Variants in AFAP1 observed in about 807,000 individuals in gnomAD.
AFAP1 encodes actin filament-associated protein 1.
A neutral mutation model predicts 93.9 loss-of-function variants in AFAP1; 75 were observed. That is an observed-to-expected ratio of 0.80 (90% confidence interval 0.66 to 0.97). AFAP1 has a LOEUF of 0.97. Among genes scored for constraint, AFAP1 ranks in the 50% least tolerant of loss-of-function variants. AFAP1 has a pLI of 0.00. For missense variants in AFAP1, 1,201 were observed against 1,050.8 expected (o/e 1.14, Z -1.98); for synonymous variants, 517 against 430.7 (o/e 1.20, Z -2.48).
intron 17 of AFAP1, among the ~76,000 whole-genome samples, chr4:7,767,708 C>G (rs1714803852): frequency 6.6e-6 from 1 of 152,146 alleles, no homozygotes; most frequent in Non-Finnish European, 1.5e-5. Context: ...CCAGAGAGCA[C>G]AGCAGGGGGG....
intron 10 of AFAP1, among the ~76,000 whole-genome samples, chr4:7,797,487 A>G (rs1368557224): frequency 1.3e-5 from 2 of 152,328 alleles, no homozygotes; most frequent in Middle Eastern, 3.4e-3. Flanking sequence ...GGCTCCCGCT[A>G]TAATTCTCTG....
At chr4:7,770,782 CAG>C (rs2148955957) in intron 16 of AFAP1, among the ~76,000 whole-genome samples, 1 of 152,280 alleles carries the variant, frequency 6.6e-6, no homozygotes, top group South Asian at 2.1e-4. Context: ...GACAGCTCCT[CAG>C]AGCACTCCTG....
intron 1 of AFAP1, among the ~76,000 whole-genome samples, chr4:7,888,181 G>A (rs563794487): frequency 6.6e-6 from 1 of 152,180 alleles, no homozygotes; most frequent in Non-Finnish European, 1.5e-5. Flanking sequence ...CAAAAACTTG[G>A]ATTTTCAAAA....
chr4:7,888,783 G>GT (rs35979300), intron 1 of AFAP1, among the ~76,000 whole-genome samples: 16 of 148,836 alleles, frequency 1.1e-4, no homozygotes, highest in African/African-American at 1.9e-4. Context: ...ATTGTTAACA[G>GT]TTTTTTTTTG....
chr4:7,894,355 G>A (rs1424908623), intron 1 of AFAP1, among the ~76,000 whole-genome samples: 3 of 152,120 alleles, frequency 2.0e-5, no homozygotes, highest in African/African-American at 7.2e-5. Flanking sequence ...GAAAAAGCTT[G>A]CTTACCTCTG....
At chr4:7,802,750 C>T (rs867437316) in intron 9 of AFAP1, among the ~76,000 whole-genome samples, 4 of 151,190 alleles carry the variant, frequency 2.6e-5, no homozygotes, top group African/African-American at 4.9e-5. Flanking sequence ...CCCGGGTTCA[C>T]GCCATTCTCC....
At chr4:7,914,252 G>A (rs999772457) in intron 1 of AFAP1, among the ~76,000 whole-genome samples, 3 of 151,744 alleles carry the variant, frequency 2.0e-5, no homozygotes, top group Non-Finnish European at 2.9e-5. Flanking sequence ...ACGGGGTTTC[G>A]CCACGTTGGC....
At chr4:7,803,726 A>G (rs1396638426) in intron 9 of AFAP1, among the ~76,000 whole-genome samples, 3 of 152,264 alleles carry the variant, frequency 2.0e-5, no homozygotes, top group Non-Finnish European at 4.4e-5. Flanking sequence ...CTTCCCTGAC[A>G]GAATCTGGCC....
At chr4:7,843,467 C>T (rs2149116542) in intron 4 of AFAP1, 117 bp from the exon 5 acceptor site, 3 of 962,290 alleles carry the variant, frequency 3.1e-6, no homozygotes, top group South Asian at 1.8e-5. Flanking sequence ...AGAAAGGGAC[C>T]TCTGCTCCTT....
chr4:7,889,579 T>C (rs1209549803), intron 1 of AFAP1, among the ~76,000 whole-genome samples: 1 of 143,382 alleles, frequency 7.0e-6, no homozygotes, highest in Admixed American at 6.9e-5. Flanking sequence ...AAGGCATACA[T>C]ATAAAAACTA....
intron 1 of AFAP1, among the ~76,000 whole-genome samples, chr4:7,880,634 G>A (rs1416711198): frequency 6.6e-6 from 1 of 152,174 alleles, no homozygotes; most frequent in Non-Finnish European, 1.5e-5. Context: ...AAGGCGGCCT[G>A]GAGTCACAAA....
chr4:7,832,719 A>G (rs1487637725), intron 6 of AFAP1, among the ~76,000 whole-genome samples: 3 of 152,078 alleles, frequency 2.0e-5, no homozygotes, highest in Non-Finnish European at 4.4e-5. Context: ...AAGCAAAAAG[A>G]ACAAACAAAG....
At position 7,786,355 on chromosome 4, in the gene AFAP1, T is replaced by C. The variant is rs750031400; in HGVS notation, c.1413-44A>G. On this transcript the variant is annotated intron_variant, in intron 11 of 17. Transcript: ENST00000420658. ...GTTAAAATCCATAACCTGACCACCT[T>C]TTACTCCAATCAGTCAAGTCTTTAA... 21 of 1,499,534 alleles carry C rather than the reference T, an allele frequency of 1.4e-5. No homozygotes were observed. In the South Asian group the frequency reaches 2.4e-4, roughly 17 times the overall value. The allele number at this position is 1,499,534 out of a possible 1,614,324, so 92.9% of individuals were successfully genotyped here. A position where few individuals can be genotyped will look rare whatever the true frequency, so the allele number is the denominator to read the frequency against.
At chr4:7,907,983 G>A (rs1006138808) in intron 1 of AFAP1, among the ~76,000 whole-genome samples, 6 of 152,118 alleles carry the variant, frequency 3.9e-5, no homozygotes, top group Admixed American at 1.3e-4. Context: ...AGGCTGAGGC[G>A]GGAGGATCAC....
At chr4:7,828,535 T>A (rs1278201443) in intron 6 of AFAP1, among the ~76,000 whole-genome samples, 2 of 152,164 alleles carry the variant, frequency 1.3e-5, no homozygotes, top group African/African-American at 4.8e-5. Context: ...CATCCTGCTG[T>A]CATCAGCTAT....
intron 3 of AFAP1, among the ~76,000 whole-genome samples, chr4:7,865,938 G>A (rs555448946): frequency 5.3e-5 from 8 of 152,136 alleles, no homozygotes; most frequent in African/African-American, 1.4e-4. Flanking sequence ...GTCTTGTTAC[G>A]CAGGCTGGAG....
At chr4:7,830,138 C>G (rs1721762288) in intron 6 of AFAP1, among the ~76,000 whole-genome samples, 1 of 152,022 alleles carries the variant, frequency 6.6e-6, no homozygotes, top group African/African-American at 2.4e-5. Context: ...ATGCTGCACC[C>G]TTTCTATGGG....
At chr4:7,844,940 T>C (rs911354167) in intron 4 of AFAP1, among the ~76,000 whole-genome samples, 1 of 152,244 alleles carries the variant, frequency 6.6e-6, no homozygotes, top group Non-Finnish European at 1.5e-5. Context: ...CAATGGCCAA[T>C]GCGGTTGCAA....
chr4:7,773,032 T>C, intron 15 of AFAP1, 22 bp from the exon 16 acceptor site: 1 of 1,600,760 alleles, frequency 6.2e-7, no homozygotes, highest in Non-Finnish European at 8.5e-7. Context: ...AGAAACGCCG[T>C]TACTCCCGCG....
Sources: allele counts gnomAD v4.1 joint callset (sites outside exome capture counted in the v4.1 genomes callset), GRCh38; gene constraint gnomAD v4.1.1; transcripts MANE v1.5; gene names NCBI Gene and HGNC (gene_info 2026-07-23, HGNC 2026-07-21).